The following C4orf50 variants were observed in gnomAD, a reference collection of about 807,000 sequenced individuals.
C4orf50 encodes chromosome 4 open reading frame 50, also known as uncharacterized protein C4orf50.
Under a neutral mutation model 77.2 loss-of-function variants are expected in C4orf50, and 80 were observed. The observed-to-expected ratio is 1.04, with a 90% CI of 0.87 to 1.25. The LOEUF (loss-of-function observed/expected upper bound fraction) is 1.25, where lower values mean the gene tolerates loss of function less well. C4orf50 is among the 50% of genes most tolerant of loss of function. The pLI, the probability that C4orf50 is intolerant of heterozygous loss-of-function variation, is 0.00. For synonymous variants in C4orf50, 532 were observed against 465.3 expected (o/e 1.14, Z -1.84); for missense variants, 1,257 against 1,152.9 (o/e 1.09, Z -1.31).
exon 34 of C4orf50, chr4:5,959,326 C>G (rs1487609576): frequency 1.3e-6 from 2 of 1,574,600 alleles, no homozygotes; most frequent in Non-Finnish European, 1.7e-6. Flanking sequence ...GGTTCTGCTT[C>G]AAATATTTAT....
chr4:5,976,024 A>G (rs1362859120), intron 29 of C4orf50, 69 bp from the exon 8 acceptor site: 21 of 1,334,606 alleles, frequency 1.6e-5, no homozygotes, highest in Non-Finnish European at 2.3e-5. Flanking sequence ...TTCCCCAGGC[A>G]AGCTGGGCTC....
At chr4:5,974,232 C>T (rs773820852) in intron 30 of C4orf50, among the ~76,000 whole-genome samples, 3 of 152,302 alleles carry the variant, frequency 2.0e-5, no homozygotes, top group Middle Eastern at 3.4e-3. Flanking sequence ...AGGCACCTAC[C>T]GAGTGTCATG....
intron 29 of C4orf50, 111 bp downstream of exon 7, chr4:5,980,063 C>T: frequency 1.2e-6 from 1 of 808,078 alleles, no homozygotes; most frequent in Non-Finnish European, 1.9e-6. Flanking sequence ...CCAGTACCTG[C>T]TCCCAACTGG....
rs1311252250 is a variant in C4orf50, at chr4:6,015,466, T to G, written c.287+2679A>C. Among the ~76,000 whole-genome samples, 4 of 152,010 alleles carry G rather than the reference T, an allele frequency of 2.6e-5. No homozygotes were observed. ...CCAGAAATGTGAGAAAATAAGTTTT[T>G]GTTAAGTCACCCAGGTCTGCAAATA... On this transcript the variant is annotated intron_variant, in intron 23 of 33. Transcript: ENST00000531445. This position sits in a 1 kb window ranked among gnomAD's most constrained non-coding sequence, Gnocchi z 4.4.
chr4:5,994,841 G>A (rs1721493025), intron 25 of C4orf50, among the ~76,000 whole-genome samples: 1 of 152,208 alleles, frequency 6.6e-6, no homozygotes, highest in Non-Finnish European at 1.5e-5. Context: ...TACAGCAGGA[G>A]GTGAGCAGCA....
Position 5,989,304 on chromosome 4 carries a change from CT to C in C4orf50, c.2741del (p.Glu914GlyfsTer9). 5 of 1,536,096 alleles carry C rather than the reference CT, an allele frequency of 3.3e-6. No homozygotes were observed. The highest frequency in any genetic ancestry group is 4.4e-6 in the Non-Finnish European group (5 of 1,146,902). Reference sequence around the variant, plus strand: ...TCACTCTCTCGAGGGCACCCCAGGGCTCAGCAGGCCCCTGTGGAGGGTTTGG... The same window carrying C: ...TCACTCTCTCGAGGGCACCCCAGGGCCAGCAGGCCCCTGTGGAGGGTTTGG... On this transcript the variant is annotated frameshift_variant, in exon 28 of 34. Coordinates refer to ENST00000531445, the Ensembl canonical transcript of C4orf50. LOFTEE classifies it high-confidence loss of function.
exon 28 of C4orf50, chr4:5,988,931 C>T (rs1454576680): frequency 2.0e-6 from 3 of 1,536,100 alleles, no homozygotes; most frequent in Non-Finnish European, 2.6e-6. Context: ...GATTTCCTGA[C>T]ACTCTCAGAC....
Position 5,990,648 on chromosome 4 carries a change from A to G in C4orf50, c.1398T>C (p.Pro466=), listed in dbSNP as rs541019541. The G allele has an allele frequency of 1.9e-3, 756 of 399,102 alleles. 6 individuals carry two copies. The highest frequency in any genetic ancestry group is 0.014 in the African/African-American group (685 of 48,700). 24.7% of individuals were successfully genotyped at this position (399,102 alleles called of 1,614,324 possible). A position where few individuals can be genotyped will look rare whatever the true frequency, so the allele number is the denominator to read the frequency against. The change falls in exon 28 of 34, where the codon CCT becomes CCC. Residue 466 remains proline, a synonymous_variant. Coordinates refer to ENST00000531445, the Ensembl canonical transcript of C4orf50. Reference sequence around the variant, plus strand: ...CGGAGTCCCCAGCCGGCCCCCAGAGAGGGAGTGCGGATGTCTGCACCAGGA... The same window carrying G: ...CGGAGTCCCCAGCCGGCCCCCAGAGGGGGAGTGCGGATGTCTGCACCAGGA...
At chr4:5,962,045 AATGCTCATGACGACTGGACAGAACC>A (rs1383716951) in intron 33 of C4orf50, among the ~76,000 whole-genome samples, 2 of 152,296 alleles carry the variant, frequency 1.3e-5, no homozygotes, top group East Asian at 3.9e-4. Flanking sequence ...TCTGTTCCCA[AATGCTCATGACGACTGGACAGAACC>A]AAGACTGCAG....
chr4:5,968,753 G>A (rs1191881226), intron 31 of C4orf50, among the ~76,000 whole-genome samples: 2 of 152,104 alleles, frequency 1.3e-5, no homozygotes, highest in Admixed American at 6.5e-5. Context: ...TTGCCCCTGG[G>A]TTTAGAGTCA....
intron 25 of C4orf50, among the ~76,000 whole-genome samples, chr4:6,003,459 T>C (rs1337270430): frequency 6.6e-6 from 1 of 151,550 alleles, no homozygotes; most frequent in Non-Finnish European, 1.5e-5. Flanking sequence ...AGGGTGGTAA[T>C]GGTGATGATG....
At chr4:6,010,933 T>C (rs909448123) in intron 24 of C4orf50, among the ~76,000 whole-genome samples, 2 of 152,338 alleles carry the variant, frequency 1.3e-5, no homozygotes, top group African/African-American at 4.8e-5. Flanking sequence ...AGGGGATTGG[T>C]ACTATATCAT....
chr4:6,004,051 A>ATGGTGATGATAGTGATGATGC (rs1722031795), intron 25 of C4orf50, among the ~76,000 whole-genome samples: 1 of 51,720 alleles, frequency 1.9e-5, no homozygotes, highest in Non-Finnish European at 4.1e-5. Flanking sequence ...GGTGATGGTG[A>ATGGTGATGATAGTGATGATGC]TGATGGTGAT....
chr4:5,964,916 G>T, intron 33 of C4orf50, 108 bp downstream of exon 11: 1 of 984,056 alleles, frequency 1.0e-6, no homozygotes, highest in Admixed American at 2.4e-5. Flanking sequence ...TTGACCTGGT[G>T]GTGGCTTTCT....
chr4:5,925,417 C>T (rs752120112), intron 7 of C4orf50, among the ~76,000 whole-genome samples: 9 of 152,280 alleles, frequency 5.9e-5, no homozygotes, highest in African/African-American at 1.4e-4. Context: ...CCGTACATTC[C>T]GCAGCATGAG....
chr4:5,957,428 G>A (rs1719032094), exon 34 of C4orf50: 1 of 152,252 alleles, frequency 6.6e-6, no homozygotes, highest in African/African-American at 2.4e-5. Context: ...AATACAGAGG[G>A]AGGCAGAAGG....
At chr4:6,004,026 T>TGGTGATGATG (rs1223180999) in intron 25 of C4orf50, among the ~76,000 whole-genome samples, 1 of 13,756 alleles carries the variant, frequency 7.3e-5, no homozygotes, top group Admixed American at 7.7e-4. Flanking sequence ...ATGGTGATAA[T>TGGTGATGATG]GTGATAGTGA....
At chr4:5,962,992 T>A (rs1280610312) in intron 33 of C4orf50, among the ~76,000 whole-genome samples, 1 of 66,496 alleles carries the variant, frequency 1.5e-5, no homozygotes, top group African/African-American at 8.3e-5. Context: ...TCTTCTTTTT[T>A]TTCTTTTCTT....
intron 30 of C4orf50, 99 bp from the exon 9 acceptor site, chr4:5,973,940 C>T (rs1208831754): frequency 2.1e-6 from 2 of 938,746 alleles, no homozygotes; most frequent in East Asian, 5.4e-5. Flanking sequence ...CCCCTACTCA[C>T]CATCCCCAGC....
Sources: gnomAD v4.1 joint callset for allele counts (sites outside exome capture counted in the v4.1 genomes callset) on GRCh38, gnomAD v4.1.1 for gene constraint, Gnocchi (gnomAD v3.1) non-coding constraint, MANE v1.5 for transcripts, NCBI Gene and HGNC (gene_info 2026-07-23, HGNC 2026-07-21) for gene names.